DNAJB4: variants seen among roughly 807,000 people sequenced by gnomAD.
DNAJB4 encodes the protein dnaJ homolog subfamily B member 4.
A neutral mutation model predicts 26.6 loss-of-function variants in DNAJB4; 10 were observed. The observed-to-expected ratio is 0.38, with a 90% CI of 0.23 to 0.64. The LOEUF (loss-of-function observed/expected upper bound fraction) is 0.64. DNAJB4 is among the 30% of genes least tolerant of loss of function. The probability of loss-of-function intolerance (pLI) is 0.58; values close to 1 mark genes in which losing one functional copy is unlikely to be tolerated. For missense variants in DNAJB4, 328 were observed against 408.2 expected (o/e 0.80, Z 1.69); for synonymous variants, 136 against 134.8 (o/e 1.01, Z -0.06).
chr1:78,012,926 A>G (rs1448195492), intron 1 of DNAJB4, 125 bp from the exon 2 acceptor site: 2 of 719,200 alleles, frequency 2.8e-6, no homozygotes, highest in Non-Finnish European at 4.4e-6. Flanking sequence ...GTAAAGTGGC[A>G]TTTCTGGCCA....
intron 1 of DNAJB4, among the ~76,000 whole-genome samples, chr1:77,985,239 C>A (rs1452203240): frequency 6.6e-6 from 1 of 152,124 alleles, no homozygotes; most frequent in African/African-American, 2.4e-5. Flanking sequence ...ATAGAAAACT[C>A]ATTTGGTATA....
At chr1:77,990,611 T>G (rs563688544) in intron 1 of DNAJB4, among the ~76,000 whole-genome samples, 1 of 152,350 alleles carries the variant, frequency 6.6e-6, no homozygotes, top group Admixed American at 6.5e-5. Context: ...TTAATAAGGT[T>G]ACAGGAATGT....
upstream of DNAJB4, chr1:78,004,435 G>C (rs28362659): frequency 2.6e-5 from 4 of 152,104 alleles, no homozygotes; most frequent in African/African-American, 7.2e-5. Flanking sequence ...TGGCGTTTCT[G>C]ATTGATAGAC....
chr1:78,015,838 C>T (rs1319412824), intron 2 of DNAJB4, among the ~76,000 whole-genome samples, 176 bp from the exon 3 acceptor site: 3 of 151,888 alleles, frequency 2.0e-5, no homozygotes, highest in South Asian at 2.1e-4. Context: ...TGTGAGCCAC[C>T]GTGCCTGACC....
intron 1 of DNAJB4, among the ~76,000 whole-genome samples, chr1:78,012,202 G>A (rs1571448176): frequency 9.5e-6 from 1 of 105,136 alleles, no homozygotes; most frequent in South Asian, 3.3e-4. Flanking sequence ...TCACACTGTT[G>A]CCCGGGCTGG....
Position 78,005,178 on chromosome 1 carries a change from C to T in DNAJB4, c.68C>T (p.Ala23Val), listed in dbSNP as rs1436734716. 3 of 1,614,102 alleles carry T rather than the reference C, an allele frequency of 1.9e-6. No homozygotes were observed. Among genetic ancestry groups the T allele is most frequent in the Admixed American group, 3.3e-5 (2 of 60,020 alleles). The change falls in exon 1 of 3, where the codon GCT (alanine) becomes GTT (valine). Residue 23 changes from alanine to valine, a missense_variant. By Grantham distance (64) the Ala-to-Val change is moderately conservative (BLOSUM62 0). Transcript: ENST00000370763. ...GCTTCAGATGAAGATATTAAAAAGGCTTACCGAAAACAAGCCCTCAAATTT... is the reference window on the plus strand; with the variant it reads ...GCTTCAGATGAAGATATTAAAAAGGTTTACCGAAAACAAGCCCTCAAATTT... ...KGASDEDIKK[A>V]YRKQALKFHP...
intron 1 of DNAJB4, 46 bp from the exon 2 acceptor site, chr1:78,013,005 T>G: frequency 1.3e-6 from 2 of 1,493,330 alleles, no homozygotes; most frequent in Non-Finnish European, 9.0e-7. Flanking sequence ...GTTTAACTTT[T>G]AAGAGTTGCA....
intron 1 of DNAJB4, among the ~76,000 whole-genome samples, chr1:77,981,550 G>A (rs1659648017): frequency 6.6e-6 from 1 of 152,112 alleles, no homozygotes; most frequent in African/African-American, 2.4e-5. Context: ...CTGACCTCAT[G>A]ATCCACCCTC....
intron 1 of DNAJB4, among the ~76,000 whole-genome samples, chr1:78,010,227 G>A (rs1557510820): frequency 6.6e-6 from 1 of 151,882 alleles, no homozygotes; most frequent in Non-Finnish European, 1.5e-5. Flanking sequence ...CTTATAAGAG[G>A]CTAGATTGGG....
At chr1:78,000,951 C>CT (rs1460443408), upstream of DNAJB4, among the ~76,000 whole-genome samples, 1 of 151,738 alleles carries the variant, frequency 6.6e-6, no homozygotes, top group Non-Finnish European at 1.5e-5. Flanking sequence ...CCACTGCACT[C>CT]TATTCTGGAC....
In DNAJB4 at chr1:78,017,210, A is replaced by T. The variant is rs1234597141; in HGVS notation, c.*963A>T. 7 of 152,058 alleles carry T rather than the reference A, an allele frequency of 4.6e-5. No individual in the cohort carries two copies. The highest frequency in any genetic ancestry group is 1.4e-4 in the African/African-American group (6 of 41,450). The allele number at this position is 152,058 out of a possible 1,614,324, so 9.4% of individuals were successfully genotyped here. On this transcript the variant is annotated 3_prime_UTR_variant, in exon 3 of 3. Coordinates refer to ENST00000370763, the MANE Select transcript of DNAJB4 (RefSeq NM_007034.5). ...TAAACACTAACTGCTGCTTATGGAT[A>T]ATGTTGCAACTACTTGTTATGCATA...
At chr1:77,980,339 A>ATATGTGTGTGTG (rs1477495217) in intron 1 of DNAJB4, 1 of 126,072 alleles carries the variant, frequency 7.9e-6, no homozygotes, top group Non-Finnish European at 1.6e-5. Context: ...ATATATATAT[A>ATATGTGTGTGTG]TGTGTGTGTG....
intron 1 of DNAJB4, among the ~76,000 whole-genome samples, chr1:78,006,691 T>C (rs1227866025): frequency 1.3e-5 from 2 of 152,154 alleles, no homozygotes; most frequent in African/African-American, 2.4e-5. Flanking sequence ...AAAGTAAATA[T>C]TGAAAAAGGC....
At chr1:78,002,728 G>A (rs539479529), upstream of DNAJB4, among the ~76,000 whole-genome samples, 74 of 152,120 alleles carry the variant, frequency 4.9e-4, no homozygotes, top group Non-Finnish European at 8.1e-4. Context: ...TACAACAATC[G>A]CGTAAATCAC....
upstream of DNAJB4, chr1:78,004,919 TGTAA>T (rs1340498861): frequency 1.6e-6 from 1 of 613,386 alleles, no homozygotes; most frequent in African/African-American, 1.9e-5. Flanking sequence ...TATATTTATC[TGTAA>T]GTGAGCCGTT....
chr1:77,993,407 G>A (rs1027062560), intron 1 of DNAJB4, among the ~76,000 whole-genome samples: 3 of 151,864 alleles, frequency 2.0e-5, no homozygotes, highest in Non-Finnish European at 2.9e-5. Flanking sequence ...TCCACCTCCC[G>A]GGTTTAAACA....
chr1:77,983,715 A>G (rs1659725180), intron 1 of DNAJB4, among the ~76,000 whole-genome samples: 3 of 152,328 alleles, frequency 2.0e-5, no homozygotes, highest in African/African-American at 7.2e-5. Flanking sequence ...GGGTAAGGTT[A>G]TAGATTAACA....
At chr1:78,014,195 G>T (rs1437073052) in intron 2 of DNAJB4, among the ~76,000 whole-genome samples, 3 of 150,376 alleles carry the variant, frequency 2.0e-5, no homozygotes, top group African/African-American at 4.9e-5. Context: ...TGCAACCTCT[G>T]CCTCCGGGTT....
intron 1 of DNAJB4, 72 bp from the exon 2 acceptor site, chr1:78,012,979 A>C (rs1428934616): frequency 7.4e-7 from 1 of 1,354,440 alleles, no homozygotes; most frequent in African/African-American, 1.5e-5. Flanking sequence ...ATTTATTAGC[A>C]ATACAGTTTT....
Sources: allele counts gnomAD v4.1 joint callset (sites outside exome capture counted in the v4.1 genomes callset), GRCh38; gene constraint gnomAD v4.1.1; transcripts MANE v1.5; gene names NCBI Gene and HGNC (gene_info 2026-07-23, HGNC 2026-07-21).